The following RHOJ variants were observed in gnomAD, a reference collection of about 807,000 sequenced individuals.
RHOJ encodes rho-related GTP-binding protein RhoJ.
In RHOJ, 11 loss-of-function variants were observed where a neutral mutation model predicts 23.4. The ratio of observed to expected loss-of-function variants is 0.47; its 90% CI spans 0.30 to 0.78. RHOJ has a LOEUF of 0.78. Ranked by LOEUF, RHOJ falls within the 30% of genes least tolerant of loss-of-function variation. RHOJ has a pLI of 0.08. For synonymous variants in RHOJ, 102 were observed against 102.7 expected (o/e 0.99, Z 0.04); for missense variants, 254 against 273.4 (o/e 0.93, Z 0.50).
At chr14:63,251,119 C>G (rs1324988831) in intron 1 of RHOJ, among the ~76,000 whole-genome samples, 1 of 152,012 alleles carries the variant, frequency 6.6e-6, no homozygotes, top group South Asian at 2.1e-4. Flanking sequence ...CCCCTTGAGT[C>G]CTGTTTTATA....
intron 1 of RHOJ, among the ~76,000 whole-genome samples, chr14:63,232,237 ACTTTT>A (rs1448968732): frequency 2.6e-5 from 4 of 152,216 alleles, no homozygotes; most frequent in African/African-American, 7.2e-5. Flanking sequence ...ATTCAAGCAT[ACTTTT>A]CTTTTCTGAT....
intron 1 of RHOJ, among the ~76,000 whole-genome samples, chr14:63,249,394 C>T (rs2139638601): frequency 6.6e-6 from 1 of 152,268 alleles, no homozygotes; most frequent in South Asian, 2.1e-4. Context: ...ACACTGCTGG[C>T]CTCTGGCAGT....
intron 1 of RHOJ, among the ~76,000 whole-genome samples, chr14:63,221,691 A>G (rs1894497102): frequency 6.6e-6 from 1 of 152,160 alleles, no homozygotes; most frequent in Admixed American, 6.5e-5. Flanking sequence ...TTGTCATGCA[A>G]TTTCCAAAGT....
At chr14:63,284,686 C>T (rs1035849857) in intron 4 of RHOJ, among the ~76,000 whole-genome samples, 2 of 152,218 alleles carry the variant, frequency 1.3e-5, no homozygotes, top group Non-Finnish European at 2.9e-5. Context: ...AAATATGTAG[C>T]TCCATAAATA....
intron 2 of RHOJ, among the ~76,000 whole-genome samples, chr14:63,275,557 T>A (rs1321834388): frequency 2.0e-5 from 3 of 152,134 alleles, no homozygotes; most frequent in Admixed American, 6.5e-5. Flanking sequence ...ACTGAACATG[T>A]TCTTGCCTTC....
chr14:63,212,945 TA>T (rs1301344175), intron 1 of RHOJ, among the ~76,000 whole-genome samples: 25 of 152,208 alleles, frequency 1.6e-4, no homozygotes, highest in Admixed American at 1.6e-3. Flanking sequence ...TGCCACAGTA[TA>T]ACACAGATCA....
chr14:63,257,101 G>A (rs1895181471), intron 1 of RHOJ, among the ~76,000 whole-genome samples: 1 of 148,278 alleles, frequency 6.7e-6, no homozygotes, highest in Non-Finnish European at 1.5e-5. Context: ...AGCCAGGCAT[G>A]GTGGCACATG....
At chr14:63,208,519 T>G (rs1894162635) in intron 1 of RHOJ, among the ~76,000 whole-genome samples, 1 of 152,206 alleles carries the variant, frequency 6.6e-6, no homozygotes, top group South Asian at 2.1e-4. Flanking sequence ...CCTCTTGATC[T>G]CTTGGAAGCT....
intron 1 of RHOJ, among the ~76,000 whole-genome samples, chr14:63,225,349 G>T (rs533679710): frequency 5.3e-4 from 81 of 152,216 alleles, no homozygotes; most frequent in Non-Finnish European, 9.3e-4. Context: ...CCAGGAGAGG[G>T]TTATATTTGC....
chr14:63,283,882 C>G (rs946581285), intron 4 of RHOJ, among the ~76,000 whole-genome samples: 3 of 152,144 alleles, frequency 2.0e-5, no homozygotes, highest in African/African-American at 7.2e-5. Context: ...TTGCCAGACA[C>G]CAAGTCTTTG....
chr14:63,237,923 C>T (rs1365873296), intron 1 of RHOJ, among the ~76,000 whole-genome samples: 2 of 152,144 alleles, frequency 1.3e-5, no homozygotes, highest in Admixed American at 1.3e-4. Flanking sequence ...ATTTTTCTTG[C>T]CGCTTACGCC....
In RHOJ at chr14:63,204,591, C is replaced by T. The variant is rs1412720300; in HGVS notation, c.-279C>T. 2.2e-6 allele frequency: 1 copy of T among 456,172 alleles called. No homozygotes were observed. Among genetic ancestry groups the T allele is most frequent in the Non-Finnish European group, 3.9e-6 (1 of 254,450 alleles). The allele number at this position is 456,172 out of a possible 1,614,324, so 28.3% of individuals were successfully genotyped here. On this transcript the variant is annotated 5_prime_UTR_variant, in exon 1 of 5. Transcript: ENST00000316754. ...CTGAAATTTCTAGGCTGTTAGGAAG[C>T]CCCTCGAATTCTGTGAAAATGAGGG...
chr14:63,270,045 C>T (rs1895439138), intron 2 of RHOJ, among the ~76,000 whole-genome samples: 1 of 152,144 alleles, frequency 6.6e-6, no homozygotes, highest in African/African-American at 2.4e-5. Context: ...AGGTCAAAAT[C>T]AGCGGGTTGT....
At position 63,204,897 on chromosome 14, in the gene RHOJ, A is replaced by G; in HGVS notation, c.28A>G (p.Ser10Gly). 6.2e-7 allele frequency: 1 copy of G among 1,614,026 alleles called. No homozygotes were observed. Among genetic ancestry groups the G allele is most frequent in the Non-Finnish European group, 8.5e-7 (1 of 1,179,954 alleles). The stretch of plus-strand genomic sequence containing the variant: ...GAACTGCAAAGAGGGAACTGACAGC[A>G]GCTGCGGCTGCAGGGGCAACGACGA... MNCKEGTDS[S>G]CGCRGNDEKK... is the part of the protein sequence containing the mutation. The change falls in exon 1 of 5, where the codon AGC becomes GGC. Residue 10 changes from serine (S) to glycine (G), a missense_variant. By Grantham distance (56) the Ser-to-Gly change is moderately conservative. Transcript: ENST00000316754.
chr14:63,233,474 A>G (rs1482405716), intron 1 of RHOJ, among the ~76,000 whole-genome samples: 1 of 152,226 alleles, frequency 6.6e-6, no homozygotes, highest in Non-Finnish European at 1.5e-5. Context: ...AATAATTGGA[A>G]GGGGGAAAAG....
chr14:63,212,743 C>T (rs1216655937), intron 1 of RHOJ, among the ~76,000 whole-genome samples: 1 of 152,158 alleles, frequency 6.6e-6, no homozygotes, highest in Non-Finnish European at 1.5e-5. Context: ...AATCTGTGTT[C>T]TATCAATCTC....
At chr14:63,269,991 C>A (rs763565792) in intron 2 of RHOJ, among the ~76,000 whole-genome samples, 4 of 152,140 alleles carry the variant, frequency 2.6e-5, no homozygotes, top group Non-Finnish European at 5.9e-5. Flanking sequence ...AGCCCAATTT[C>A]TTGGATAGAG....
chr14:63,261,280 A>G (rs141783036), intron 1 of RHOJ, among the ~76,000 whole-genome samples: 1 of 152,224 alleles, frequency 6.6e-6, no homozygotes, highest in Non-Finnish European at 1.5e-5. Flanking sequence ...TGTATCAAAG[A>G]TATAATCTTC....
rs1328056283 is a variant in RHOJ at position 63,228,516 on chromosome 14, GAAT to G, written c.178+23473_178+23475del. On this transcript the variant is annotated intron_variant, in intron 1 of 4. Coordinates refer to ENST00000316754, the MANE Select transcript of RHOJ (RefSeq NM_020663.5). ...AAATGGAATACCATGCAATTGTTAA[GAAT>G]AATGAGGAAGCGCTTAAAGAATTGA... Among the ~76,000 whole-genome samples the G allele has an allele frequency of 3.3e-5, 5 of 151,666 alleles. No individual in the cohort carries two copies. The East Asian group carries it at 9.7e-4, about 29-fold the overall frequency.
Sources: gnomAD v4.1 joint callset for allele counts (sites outside exome capture counted in the v4.1 genomes callset) on GRCh38, gnomAD v4.1.1 for gene constraint, MANE v1.5 for transcripts, NCBI Gene and HGNC (gene_info 2026-07-23, HGNC 2026-07-21) for gene names.